The following VCAN variants were observed in gnomAD, a reference collection of about 807,000 sequenced individuals.
VCAN encodes the protein versican core protein.
In VCAN, 44 loss-of-function variants were observed where a neutral mutation model predicts 245.5. The ratio of observed to expected loss-of-function variants is 0.18; its 90% CI spans 0.14 to 0.23. VCAN has a LOEUF of 0.23. Among genes scored for constraint, VCAN ranks in the 10% least tolerant of loss-of-function variants. The probability of loss-of-function intolerance (pLI) is 1.00; values close to 1 mark genes in which losing one functional copy is unlikely to be tolerated. For synonymous variants in VCAN, 1,413 were observed against 1,437.0 expected (o/e 0.98, Z 0.38); for missense variants, 3,793 against 4,057.9 (o/e 0.93, Z 1.77).
intron 1 of VCAN, among the ~76,000 whole-genome samples, chr5:83,477,563 A>G (rs1744436541): frequency 6.6e-6 from 1 of 152,220 alleles, no homozygotes. Flanking sequence ...ATGGGATTAA[A>G]AAAAATAAGT....
intron 12 of VCAN, among the ~76,000 whole-genome samples, chr5:83,556,319 C>T (rs1747664554): frequency 6.6e-6 from 1 of 152,186 alleles, no homozygotes; most frequent in African/African-American, 2.4e-5. Context: ...TCCAAAGCCA[C>T]AGTTTCTTCT....
intron 5 of VCAN, among the ~76,000 whole-genome samples, chr5:83,502,062 T>C (rs1379875104): frequency 6.6e-6 from 1 of 152,190 alleles, no homozygotes; most frequent in Admixed American, 6.5e-5. Flanking sequence ...AATGCAAATG[T>C]AATTTTCTTA....
intron 7 of VCAN, chr5:83,536,470 G>A (rs989500685): frequency 2.0e-5 from 3 of 152,402 alleles, no homozygotes; most frequent in Non-Finnish European, 2.9e-5. Flanking sequence ...GATTATAAAG[G>A]GGCCAGAAGG....
At position 83,490,103 on chromosome 5, in the gene VCAN, G is replaced by A. The variant is rs150373747; in HGVS notation, c.76G>A (p.Val26Met). 6.2e-7 allele frequency: 1 copy of A among 1,613,742 alleles called. No homozygotes were observed. The highest frequency in any genetic ancestry group is 1.3e-5 in the African/African-American group (1 of 74,878). The change falls in exon 3 of 15, where the codon GTG becomes ATG. Residue 26 changes from valine to methionine, a missense_variant. Physicochemically the swap from Val to Met is conservative, Grantham distance 21. This residue lies in a region of VCAN where 179 missense variants were observed against 169.7 expected (regional missense o/e 1.05). Transcript: ENST00000265077. ...IVTHALHKVK[V>M]GKSPPVRGSL... The stretch of plus-strand genomic sequence containing the variant: ...TTATTTTCTCTTTCCTCTAGTCAAA[G>A]TGGGAAAAAGCCCACCGGTGAGGGG...
At chr5:83,486,170 C>A (rs1039475381) in intron 2 of VCAN, among the ~76,000 whole-genome samples, 1 of 152,112 alleles carries the variant, frequency 6.6e-6, no homozygotes, top group East Asian at 1.9e-4. Flanking sequence ...AATTCCTCCT[C>A]CATGTTCCCC....
At chr5:83,533,661 T>A (rs1290771329) in intron 7 of VCAN, among the ~76,000 whole-genome samples, 1 of 152,112 alleles carries the variant, frequency 6.6e-6, no homozygotes, top group Non-Finnish European at 1.5e-5. Context: ...ATGCAAAGAT[T>A]CTGTCTCTGA....
chr5:83,540,747 C>T lies in VCAN; in HGVS notation c.7744C>T (p.His2582Tyr). 1 of 1,613,974 alleles carries T rather than the reference C, an allele frequency of 6.2e-7. No individual in the cohort carries two copies. Among genetic ancestry groups the T allele is most frequent in the Non-Finnish European group, 8.5e-7 (1 of 1,179,972 alleles). ...SDKNTIIDID[H>Y]TKPVYEDILG... ...TAAAAATACTATCATAGATATTGAT[C>T]ATACTAAACCTGTGTATGAAGACAT... The change falls in exon 8 of 15, where the codon CAT becomes TAT. Residue 2582 changes from histidine (H) to tyrosine (Y), a missense_variant. By Grantham distance (83) the His-to-Tyr change is moderately conservative (BLOSUM62 2). This residue lies in a region of VCAN where 3,182 missense variants were observed against 3,250.3 expected (regional missense o/e 0.98). Coordinates refer to ENST00000265077, the MANE Select transcript of VCAN (RefSeq NM_004385.5).
chr5:83,523,229 A>C (rs1394689316), intron 7 of VCAN, among the ~76,000 whole-genome samples: 1 of 152,150 alleles, frequency 6.6e-6, no homozygotes, highest in Non-Finnish European at 1.5e-5. Context: ...TGATAAGCTG[A>C]GTTGAGAATA....
In VCAN at chr5:83,483,540, A is replaced by G. The variant is rs1364115245; in HGVS notation, c.22A>G (p.Ile8Val). 6.2e-7 allele frequency: 1 copy of G among 1,613,548 alleles called. No individual in the cohort carries two copies. Among genetic ancestry groups the G allele is most frequent in the African/African-American group, 1.3e-5 (1 of 75,040 alleles). The change falls in exon 2 of 15, where the codon ATC (isoleucine) becomes GTC (valine). Residue 8 changes from isoleucine (I) to valine (V), a missense_variant. Ile to Val is a conservative substitution (Grantham distance 29). This residue lies in a region of VCAN where 179 missense variants were observed against 169.7 expected (regional missense o/e 1.05). Coordinates refer to ENST00000265077, the MANE Select transcript of VCAN (RefSeq NM_004385.5). MFINIKS[I>V]LWMCSTLIVT... ...CAAGATGTTCATAAATATAAAGAGC[A>G]TCTTATGGATGTGTTCAACCTTAAT...
chr5:83,581,624 A>G lies in VCAN; in HGVS notation c.*1190A>G, dbSNP rs1485296475. ...GAATGCATCAAGTGTTTATTATGAA[A>G]AGAGTGGAAAAGTATATAGCTTTTA... On this transcript the variant is annotated 3_prime_UTR_variant, in exon 15 of 15. Transcript: ENST00000265077. 3.3e-5 allele frequency: 5 copies of G among 152,188 alleles called. No homozygotes were observed. Among genetic ancestry groups the G allele is most frequent in the Non-Finnish European group, 5.9e-5 (4 of 68,032 alleles). The allele number at this position is 152,188 out of a possible 1,614,324, so 9.4% of individuals were successfully genotyped here. A position where few individuals can be genotyped will look rare whatever the true frequency, so the allele number is the denominator to read the frequency against.
At position 83,538,081 on chromosome 5, in the gene VCAN, C is replaced by T. The variant is rs1746797232; in HGVS notation, c.5078C>T (p.Ser1693Phe). Residue 1693 changes from serine (S) to phenylalanine (F), a missense_variant, in exon 8 of 15, where the codon TCT becomes TTT. By Grantham distance (155) the Ser-to-Phe change is radical (BLOSUM62 -2). Transcript: ENST00000265077. Reference sequence around the variant, plus strand: ...CCTGCAACCACCATTTATCCAGTTTCTGAACAACCTTCTGCAAAAGTGGTG... The same window carrying T: ...CCTGCAACCACCATTTATCCAGTTTTTGAACAACCTTCTGCAAAAGTGGTG... ...EVPATTIYPV[S>F]EQPSAKVVPT... 6.2e-7 allele frequency: 1 copy of T among 1,613,942 alleles called. No homozygotes were observed. Among genetic ancestry groups the T allele is most frequent in the African/African-American group, 1.3e-5 (1 of 74,930 alleles).
chr5:83,520,373 A>G lies in VCAN; in HGVS notation c.2067A>G (p.Thr689=), dbSNP rs576246409. Residue 689 remains threonine, a synonymous_variant, in exon 7 of 15, where the codon ACA becomes ACG. Transcript: ENST00000265077. Reference sequence around the variant, plus strand: ...CACATAGAAGAGAAAGAACAGAAACACTAATACCAGAGATGAGAACAGATA... The same window carrying G: ...CACATAGAAGAGAAAGAACAGAAACGCTAATACCAGAGATGAGAACAGATA... ...EMTHRRERTE[T]LIPEMRTDTY... 50 of 1,612,576 alleles carry G rather than the reference A, an allele frequency of 3.1e-5. No homozygotes were observed. The East Asian group carries it at 8.7e-4, about 28-fold the overall frequency.
rs537745860 is a variant in VCAN, at chr5:83,513,181, C to T, written c.1042+785C>T. ...AATGCAAATTAAACAAGCAAGTAAT[C>T]TAGCATCTCATTGGAATATTTACTG... On this transcript the variant is annotated intron_variant, in intron 6 of 14. Coordinates refer to ENST00000265077, the MANE Select transcript of VCAN (RefSeq NM_004385.5). Among the ~76,000 whole-genome samples, 9 of 152,240 alleles carry T rather than the reference C, an allele frequency of 5.9e-5. No individual in the cohort carries two copies. The South Asian group carries it at 1.9e-3, about 32-fold the overall frequency.
intron 1 of VCAN, among the ~76,000 whole-genome samples, chr5:83,481,680 A>T (rs554086710): frequency 6.6e-6 from 1 of 152,302 alleles, no homozygotes; most frequent in Non-Finnish European, 1.5e-5. Context: ...CAGTTGGTCT[A>T]TAGATGGAAA....
chr5:83,489,321 A>G (rs1277977499), intron 2 of VCAN, among the ~76,000 whole-genome samples: 1 of 152,192 alleles, frequency 6.6e-6, no homozygotes, highest in Non-Finnish European at 1.5e-5. Context: ...GTGAAAAAAC[A>G]TTTATTTTGC....
intron 9 of VCAN, among the ~76,000 whole-genome samples, chr5:83,546,901 A>G (rs1747248990): frequency 6.6e-6 from 1 of 152,228 alleles, no homozygotes; most frequent in African/African-American, 2.4e-5. Flanking sequence ...TGTAATTGCA[A>G]AATGCTATGG....
intron 7 of VCAN, among the ~76,000 whole-genome samples, chr5:83,528,277 C>A (rs373101260): frequency 6.6e-6 from 1 of 152,160 alleles, no homozygotes. Context: ...AGGAGACTTA[C>A]GTCAGTCTCT....
Position 83,540,462 on chromosome 5 carries a change from G to A in VCAN, c.7459G>A (p.Val2487Met), listed in dbSNP as rs1336237366. ...TGCTGATGGATTCCCAACAGTTTCA[G>A]TGATGCTGCCTCTTCATTCAGAGCA... ...VTADGFPTVS[V>M]MLPLHSEQNK... Residue 2487 changes from valine (V) to methionine (M), a missense_variant, in exon 8 of 15, where the codon GTG becomes ATG. Transcript: ENST00000265077. 2 of 1,614,002 alleles carry A rather than the reference G, an allele frequency of 1.2e-6. No homozygotes were observed. Among genetic ancestry groups the A allele is most frequent in the Middle Eastern group, 1.6e-4 (1 of 6,062 alleles).
intron 7 of VCAN, chr5:83,535,844 C>T (rs1746686927): frequency 6.6e-6 from 1 of 152,076 alleles, no homozygotes; most frequent in African/African-American, 2.4e-5. Context: ...TAGTATTATT[C>T]CTATGGGCAG....
Sources: allele counts gnomAD v4.1 joint callset (sites outside exome capture counted in the v4.1 genomes callset), GRCh38; gene constraint gnomAD v4.1.1; regional missense constraint gnomAD v4.1.1; transcripts MANE v1.5; gene names NCBI Gene and HGNC (gene_info 2026-07-23, HGNC 2026-07-21).